PDE4B: variants seen among roughly 807,000 people sequenced by gnomAD.
PDE4B encodes 3',5'-cyclic-AMP phosphodiesterase 4B.
PDE4B carries 20 observed loss-of-function variants against 82.2 expected under a neutral mutation model. That is an observed-to-expected ratio of 0.24 (90% CI 0.17 to 0.35). The LOEUF is 0.35. Ranked by LOEUF, PDE4B falls within the 10% of genes least tolerant of loss-of-function variation. The pLI, the probability that PDE4B is intolerant of heterozygous loss-of-function variation, is 1.00. For missense variants in PDE4B, 655 were observed against 907.2 expected, an observed-to-expected ratio of 0.72 and a Z score of 3.57; for synonymous variants, 320 against 318.9, an observed-to-expected ratio of 1.00 and a Z score of -0.04.
chr1:66,071,650 ATCTTCT>A, intron 3 of PDE4B, among the ~76,000 whole-genome samples: 1 of 152,008 alleles, frequency 6.6e-6, no homozygotes, highest in Admixed American at 6.6e-5. Flanking sequence ...ACCTCTTGTC[ATCTTCT>A]TTGGCATCCA....
rs553208178 is a variant in PDE4B, at chr1:66,232,459, T to C, written c.282-15001T>C. Among the ~76,000 whole-genome samples the C allele has an allele frequency of 3.9e-5, 6 of 152,348 alleles. No individual in the cohort carries two copies. In the East Asian group the frequency reaches 1.2e-3, roughly 29 times the overall value. On this transcript the variant is annotated intron_variant, in intron 3 of 16. Coordinates refer to ENST00000341517, the MANE Select transcript of PDE4B (RefSeq NM_002600.4). ...CATCATAGTTTTTCTGTAGTTCTCA[T>C]TGTTTTAAACACATTAGGGAAGGAT... is the stretch of plus-strand genomic sequence containing the variant.
At chr1:66,115,033 A>G (rs996655641) in intron 3 of PDE4B, among the ~76,000 whole-genome samples, 1 of 152,184 alleles carries the variant, frequency 6.6e-6, no homozygotes, top group African/African-American at 2.4e-5. Flanking sequence ...CCAGGTATCA[A>G]AAAATTCTTT....
intron 3 of PDE4B, among the ~76,000 whole-genome samples, chr1:66,001,388 T>G (rs1229270556): frequency 6.6e-6 from 1 of 152,230 alleles, no homozygotes; most frequent in Admixed American, 6.5e-5. Flanking sequence ...GCAATAGTTT[T>G]GGGATCAAAA....
rs372599284 is a variant in PDE4B, at chr1:66,101,074, A to G, written c.282-146386A>G. Among the ~76,000 whole-genome samples, 16 of 152,216 alleles carry G rather than the reference A, an allele frequency of 1.1e-4. 1 individual carries two copies. Among genetic ancestry groups the G allele is most frequent in the South Asian group, 1.0e-3 (5 of 4,816 alleles). On this transcript the variant is annotated intron_variant, in intron 3 of 16. Transcript: ENST00000341517. Reference sequence around the variant, plus strand: ...TCAATTTCCACCTATGAGTGAGAACATGCGGTGTTTGATTTTTTGTCCCTG... The same window carrying G: ...TCAATTTCCACCTATGAGTGAGAACGTGCGGTGTTTGATTTTTTGTCCCTG...
chr1:66,190,956 G>C (rs1464177953), intron 3 of PDE4B, among the ~76,000 whole-genome samples: 2 of 152,062 alleles, frequency 1.3e-5, no homozygotes, highest in Non-Finnish European at 2.9e-5. Flanking sequence ...GACTGGAGCT[G>C]TTCCTATTCA....
chr1:66,310,124 C>T (rs974310483), intron 7 of PDE4B, among the ~76,000 whole-genome samples: 1 of 152,156 alleles, frequency 6.6e-6, no homozygotes, highest in African/African-American at 2.4e-5. Context: ...CTTCTCTGCT[C>T]CCAGATTCTC....
intron 1 of PDE4B, among the ~76,000 whole-genome samples, chr1:65,829,489 A>T (rs938483562): frequency 6.6e-6 from 1 of 152,218 alleles, no homozygotes; most frequent in Non-Finnish European, 1.5e-5. Flanking sequence ...CAACAAAAAC[A>T]TAATTTTTAT....
intron 1 of PDE4B, among the ~76,000 whole-genome samples, chr1:65,870,852 A>C (rs1646564820): frequency 6.6e-6 from 1 of 152,212 alleles, no homozygotes; most frequent in Non-Finnish European, 1.5e-5. Flanking sequence ...GCTGTGACTT[A>C]GGTAGGTCCA....
chr1:65,835,158 T>C (rs1436466885), intron 1 of PDE4B, among the ~76,000 whole-genome samples: 1 of 152,172 alleles, frequency 6.6e-6, no homozygotes, highest in East Asian at 1.9e-4. Flanking sequence ...GGAACATGAA[T>C]GGGAAGGTTT....
At chr1:65,877,990 A>G (rs561647501) in intron 1 of PDE4B, among the ~76,000 whole-genome samples, 9 of 152,304 alleles carry the variant, frequency 5.9e-5, no homozygotes, top group African/African-American at 2.2e-4. Flanking sequence ...TATTCATCTG[A>G]GAAAGGTCCA....
At chr1:66,252,048 G>A (rs777627705) in intron 4 of PDE4B, among the ~76,000 whole-genome samples, 1 of 152,122 alleles carries the variant, frequency 6.6e-6, no homozygotes, top group Non-Finnish European at 1.5e-5. Flanking sequence ...TGTAAAAGAG[G>A]ATGGGGATTT....
chr1:66,133,736 T>G (rs1018297857), intron 3 of PDE4B, among the ~76,000 whole-genome samples: 23 of 152,324 alleles, frequency 1.5e-4, no homozygotes, highest in Admixed American at 7.8e-4. Context: ...AGAAGCCATC[T>G]CCTTCCTGGT....
intron 7 of PDE4B, among the ~76,000 whole-genome samples, chr1:66,301,662 G>A (rs1336290332): frequency 6.6e-6 from 1 of 151,848 alleles, no homozygotes; most frequent in Admixed American, 6.6e-5. Context: ...GTAATCTCAT[G>A]ATAGAATAGT....
At chr1:65,810,363 C>T (rs1347297407) in intron 1 of PDE4B, among the ~76,000 whole-genome samples, 1 of 152,160 alleles carries the variant, frequency 6.6e-6, no homozygotes, top group African/African-American at 2.4e-5. Flanking sequence ...TCATTTAATT[C>T]CTACTATTAC....
chr1:65,993,231 A>C, intron 3 of PDE4B: 6 of 1,012,398 alleles, frequency 5.9e-6, no homozygotes, highest in Non-Finnish European at 8.7e-6. Flanking sequence ...GGAACATTTG[A>C]GTTTTGTTCC....
intron 1 of PDE4B, among the ~76,000 whole-genome samples, chr1:65,871,172 C>T (rs2100295782): frequency 6.6e-6 from 1 of 152,244 alleles, no homozygotes. Flanking sequence ...AGTCAGAATC[C>T]TTCAAATGAT....
At chr1:66,033,771 T>A (rs1653925617) in intron 3 of PDE4B, among the ~76,000 whole-genome samples, 2 of 70,518 alleles carry the variant, frequency 2.8e-5, no homozygotes, top group African/African-American at 7.2e-5. Context: ...CTTTTACTTT[T>A]CTTTCTTTCT....
intron 6 of PDE4B, among the ~76,000 whole-genome samples, chr1:66,259,736 T>C (rs1040134065): frequency 3.3e-5 from 5 of 152,232 alleles, no homozygotes; most frequent in Admixed American, 2.6e-4. Context: ...GACATACAGT[T>C]TGTGCTTCAT....
intron 1 of PDE4B, among the ~76,000 whole-genome samples, chr1:65,849,276 CT>C (rs1411643000): frequency 1.2e-4 from 19 of 152,100 alleles, no homozygotes; most frequent in Non-Finnish European, 2.4e-4. Flanking sequence ...GGTTGGGAAG[CT>C]GTTGAAGTGG....
Sources: allele counts gnomAD v4.1 joint callset (sites outside exome capture counted in the v4.1 genomes callset), GRCh38; gene constraint gnomAD v4.1.1; transcripts MANE v1.5; gene names NCBI Gene and HGNC (gene_info 2026-07-23, HGNC 2026-07-21).